Variants in KLF12 observed in about 807,000 individuals in gnomAD.
KLF12 encodes KLF transcription factor 12.
In KLF12, 9 loss-of-function variants were observed where a neutral mutation model predicts 37.8. The observed-to-expected ratio is 0.24, with a 90% CI of 0.14 to 0.42. KLF12 has a LOEUF of 0.42. KLF12 is among the 10% of genes least tolerant of loss of function. The probability of loss-of-function intolerance (pLI) is 1.00; values close to 1 mark genes in which losing one functional copy is unlikely to be tolerated. For synonymous variants in KLF12, 208 were observed against 202.1 expected (o/e 1.03, Z -0.25); for missense variants, 411 against 516.0 (o/e 0.80, Z 1.97).
chr13:73,738,092 CATATATATATATATAT>C (rs778759106), intron 6 of KLF12, among the ~76,000 whole-genome samples: 18 of 116,738 alleles, frequency 1.5e-4, no homozygotes, highest in East Asian at 2.8e-4. Context: ...TGTATGTGTA[CATATATATATATATAT>C]ATATATATAT....
intron 6 of KLF12, among the ~76,000 whole-genome samples, chr13:73,760,156 A>G (rs1879454863): frequency 6.6e-6 from 1 of 152,160 alleles, no homozygotes; most frequent in Admixed American, 6.5e-5. Flanking sequence ...GGAATGCATC[A>G]TAATTTGCAT....
intron 6 of KLF12, among the ~76,000 whole-genome samples, chr13:73,732,247 C>T (rs375531532): frequency 6.6e-6 from 1 of 151,722 alleles, no homozygotes; most frequent in Non-Finnish European, 1.5e-5. Flanking sequence ...CCACACCTGG[C>T]TAATTTTTTT....
chr13:74,130,852 T>C (rs536685357), intron 1 of KLF12, among the ~76,000 whole-genome samples: 1 of 152,364 alleles, frequency 6.6e-6, no homozygotes, highest in African/African-American at 2.4e-5. Context: ...ATTTATGAAC[T>C]TGACTGCTTC....
chr13:74,113,958 G>A (rs910317865), intron 1 of KLF12, among the ~76,000 whole-genome samples: 10 of 152,200 alleles, frequency 6.6e-5, no homozygotes, highest in Non-Finnish European at 1.5e-4. Context: ...CCTCACGGAT[G>A]ACTTGGAGAA....
intron 1 of KLF12, among the ~76,000 whole-genome samples, chr13:74,132,874 G>T (rs1468804042): frequency 6.6e-6 from 1 of 152,128 alleles, no homozygotes; most frequent in Admixed American, 6.5e-5. Context: ...CCCAACAAAA[G>T]CAGGACTGAT....
intron 5 of KLF12, among the ~76,000 whole-genome samples, chr13:73,807,277 A>T (rs1378806288): frequency 6.6e-6 from 1 of 151,656 alleles, no homozygotes; most frequent in African/African-American, 2.4e-5. Context: ...CCATTGCACT[A>T]CAGCCTGGGT....
intron 6 of KLF12, among the ~76,000 whole-genome samples, chr13:73,716,347 G>C (rs1275904488): frequency 6.6e-6 from 1 of 152,026 alleles, no homozygotes; most frequent in Non-Finnish European, 1.5e-5. Flanking sequence ...TTAGTACCAT[G>C]ACATTCTTTA....
At chr13:73,889,116 G>A (rs1887373698) in intron 3 of KLF12, among the ~76,000 whole-genome samples, 1 of 152,200 alleles carries the variant, frequency 6.6e-6, no homozygotes, top group Non-Finnish European at 1.5e-5. Flanking sequence ...ATCCACGGGA[G>A]TGTGTGTGCC....
the KLF12 span, among the ~76,000 whole-genome samples, chr13:74,226,758 A>C: frequency 6.6e-6 from 1 of 152,150 alleles, no homozygotes; most frequent in Admixed American, 6.5e-5. Flanking sequence ...ATAATTATTA[A>C]CGCTATGTTT....
chr13:73,941,778 G>A (rs1338540554), intron 3 of KLF12, among the ~76,000 whole-genome samples: 2 of 152,044 alleles, frequency 1.3e-5, no homozygotes, highest in African/African-American at 4.8e-5. Flanking sequence ...TGATTCTCTT[G>A]AAGCTTTGCT....
At chr13:74,206,244 C>T in the KLF12 span, among the ~76,000 whole-genome samples, 243 of 152,170 alleles carry the variant, frequency 1.6e-3, 3 homozygotes, top group South Asian at 0.022. Flanking sequence ...GTTTATAGAA[C>T]GTATTTTATA....
intron 5 of KLF12, among the ~76,000 whole-genome samples, chr13:73,809,948 G>C (rs1303289342): frequency 1.3e-5 from 2 of 152,070 alleles, no homozygotes; most frequent in African/African-American, 4.8e-5. Context: ...AAAATCCTGT[G>C]ACTTGAAAAG....
chr13:73,822,848 T>G (rs1400988569), intron 4 of KLF12, among the ~76,000 whole-genome samples: 1 of 152,192 alleles, frequency 6.6e-6, no homozygotes, highest in East Asian at 1.9e-4. Context: ...AGCCCTGAAC[T>G]CTAGGAGCCC....
At position 73,694,071 on chromosome 13, in the gene KLF12, G is replaced by C. The variant is rs182954793; in HGVS notation, c.*1419C>G. The C allele has an allele frequency of 6.5e-6, 1 of 152,678 alleles. No individual in the cohort carries two copies. Among genetic ancestry groups the C allele is most frequent in the Admixed American group, 6.5e-5 (1 of 15,292 alleles). 9.5% of individuals were successfully genotyped at this position (152,678 alleles called of 1,614,324 possible). A position where few individuals can be genotyped will look rare whatever the true frequency, so the allele number is the denominator to read the frequency against. ...TGCAGGACACCTGGGTCCTGATACA[G>C]TTTAGAAAATGAAATCGGTATAGAA... On this transcript the variant is annotated 3_prime_UTR_variant, in exon 8 of 8. Transcript: ENST00000377669.
At chr13:73,794,112 C>A (rs1315407753) in intron 5 of KLF12, among the ~76,000 whole-genome samples, 1 of 152,220 alleles carries the variant, frequency 6.6e-6, no homozygotes, top group East Asian at 1.9e-4. Context: ...GTTATCAGCT[C>A]CTCAAGCCAC....
At chr13:73,982,417 A>G (rs983690338) in intron 2 of KLF12, among the ~76,000 whole-genome samples, 18 of 152,198 alleles carry the variant, frequency 1.2e-4, no homozygotes, top group African/African-American at 4.1e-4. Context: ...GTCAGAAAGG[A>G]TATCTTCCAT....
chr13:73,882,049 A>G (rs1196364559), intron 3 of KLF12, among the ~76,000 whole-genome samples: 1 of 152,180 alleles, frequency 6.6e-6, no homozygotes, highest in Non-Finnish European at 1.5e-5. Context: ...GGAATGTTCT[A>G]TTAGCTCGCT....
chr13:74,238,814 A>G, the KLF12 span, among the ~76,000 whole-genome samples: 2 of 151,804 alleles, frequency 1.3e-5, no homozygotes, highest in African/African-American at 4.8e-5. Context: ...TATTGCGTCT[A>G]CTTGATTCTT....
chr13:74,173,996 A>C, the KLF12 span, among the ~76,000 whole-genome samples: 4 of 152,188 alleles, frequency 2.6e-5, no homozygotes, highest in African/African-American at 7.2e-5. Flanking sequence ...TCCATGGGCT[A>C]ATAACACAGC....
Sources: allele counts gnomAD v4.1 joint callset (sites outside exome capture counted in the v4.1 genomes callset), GRCh38; gene constraint gnomAD v4.1.1; transcripts MANE v1.5; gene names NCBI Gene and HGNC (gene_info 2026-07-23, HGNC 2026-07-21).